SORT1: variants seen among roughly 807,000 people sequenced by gnomAD.
SORT1 encodes the protein sortilin 1.
In SORT1, 39 loss-of-function variants were observed where a neutral mutation model predicts 101.7. That is an observed-to-expected ratio of 0.38 (90% CI 0.30 to 0.50). The LOEUF (loss-of-function observed/expected upper bound fraction) is 0.50, where lower values mean the gene tolerates loss of function less well. SORT1 is among the 20% of genes least tolerant of loss of function. The pLI, the probability that SORT1 is intolerant of heterozygous loss-of-function variation, is 0.90. For synonymous variants in SORT1, 396 were observed against 393.7 expected, an observed-to-expected ratio of 1.01 and a Z score of -0.07; for missense variants, 878 against 1,040.4, an observed-to-expected ratio of 0.84 and a Z score of 2.15.
chr1:109,360,018 A>G (rs968625264), intron 3 of SORT1, among the ~76,000 whole-genome samples: 2 of 152,216 alleles, frequency 1.3e-5, no homozygotes, highest in Non-Finnish European at 2.9e-5. Context: ...AAAAAGGGAA[A>G]TGGAAAAGAC....
intron 11 of SORT1, among the ~76,000 whole-genome samples, chr1:109,328,251 T>G (rs1369099376): frequency 6.6e-6 from 1 of 152,258 alleles, no homozygotes; most frequent in African/African-American, 2.4e-5. Context: ...TTTGGATGTA[T>G]AATCCAGAAG....
At chr1:109,373,091 C>A (rs897516984) in intron 1 of SORT1, among the ~76,000 whole-genome samples, 1 of 151,900 alleles carries the variant, frequency 6.6e-6, no homozygotes, top group South Asian at 2.1e-4. Flanking sequence ...CCCAAAACGA[C>A]AGAATATATG....
rs185421427 is a variant in SORT1, at chr1:109,355,298, A to G, written c.543+69T>C. 109 of 808,458 alleles carry G rather than the reference A, an allele frequency of 1.3e-4. No individual in the cohort carries two copies. In the African/African-American group the frequency reaches 1.5e-3, roughly 11 times the overall value. 50.1% of individuals were successfully genotyped at this position (808,458 alleles called of 1,614,324 possible). On this transcript the variant is annotated intron_variant, in intron 4 of 19. Transcript: ENST00000256637. ...TACTGTGAATCACTGGACCATGCCAATACTAATATCTGACAGCTCTGCATG... is the reference window on the plus strand; with the variant it reads ...TACTGTGAATCACTGGACCATGCCAGTACTAATATCTGACAGCTCTGCATG...
chr1:109,329,611 G>T (rs756093324), intron 11 of SORT1, among the ~76,000 whole-genome samples: 2 of 152,142 alleles, frequency 1.3e-5, no homozygotes, highest in Non-Finnish European at 2.9e-5. Flanking sequence ...TATCACAAGG[G>T]ATAAAGAAAG....
chr1:109,323,173 C>G (rs772208636), intron 14 of SORT1, 52 bp from the exon 15 acceptor site: 1 of 1,299,548 alleles, frequency 7.7e-7, no homozygotes, highest in Non-Finnish European at 1.1e-6. Flanking sequence ...AACCCACCCA[C>G]GGGAGGCAGC....
intron 1 of SORT1, among the ~76,000 whole-genome samples, chr1:109,376,047 C>A (rs1412412028): frequency 2.0e-5 from 3 of 152,068 alleles, no homozygotes; most frequent in African/African-American, 7.2e-5. Flanking sequence ...GGAGATTTCT[C>A]AAAGAACTTA....
In SORT1 at chr1:109,367,389, C is replaced by G. The variant is rs758745078; in HGVS notation, c.440+19G>C. On this transcript the variant is annotated intron_variant, in intron 3 of 19. Coordinates refer to ENST00000256637, the MANE Select transcript of SORT1 (RefSeq NM_002959.7). ...AATGTTACTTAGTGAAATGCTCCAA[C>G]GCGTGTTATTGATCTCACCTTCGAT... The G allele has an allele frequency of 3.5e-6, 5 of 1,427,870 alleles. No homozygotes were observed. Among genetic ancestry groups the G allele is most frequent in the South Asian group, 1.2e-5 (1 of 84,594 alleles). 88.5% of individuals were successfully genotyped at this position (1,427,870 alleles called of 1,614,324 possible). A position where few individuals can be genotyped will look rare whatever the true frequency, so the allele number is the denominator to read the frequency against.
In SORT1 at chr1:109,355,641, A is replaced by ACCCC. The variant is rs529686433; in HGVS notation, c.441-173_441-172insGGGG. Among the ~76,000 whole-genome samples the ACCCC allele has an allele frequency of 2.9e-3, 243 of 84,060 alleles. 3 individuals are homozygous for ACCCC. Among genetic ancestry groups the ACCCC allele is most frequent in the Non-Finnish European group, 3.6e-3 (155 of 43,538 alleles). The allele number at this position is 84,060 out of a possible 152,430, so 55.1% of individuals were successfully genotyped here. On this transcript the variant is annotated intron_variant, in intron 3 of 19. Transcript: ENST00000256637. Reference sequence around the variant, plus strand: ...CCCTGGTGAGTCCGAAGAACATTCCACCCGCCCCCCCCCCCACAAACCCAC... The same window carrying ACCCC: ...CCCTGGTGAGTCCGAAGAACATTCCACCCCCCCGCCCCCCCCCCCACAAACCCAC...
In SORT1 at chr1:109,397,716, C is replaced by A. The variant is rs1348262296; in HGVS notation, c.177G>T (p.Gly59=). Residue 59 remains glycine, a synonymous_variant, in exon 1 of 20, where the codon GGG becomes GGT. Transcript: ENST00000256637. Reference sequence around the variant, plus strand: ...CGCCCCCGGCTGCGGCCGCCCGCAGCCCCCAGCTCACCCCGATGGGGCCAG... The same window carrying A: ...CGCCCCCGGCTGCGGCCGCCCGCAGACCCCAGCTCACCCCGATGGGGCCAG... ...RWSGPIGVSW[G]LRAAAAGGAF... is the part of the protein sequence containing the mutation. 2 of 1,189,776 alleles carry A rather than the reference C, an allele frequency of 1.7e-6. No individual in the cohort carries two copies. The highest frequency in any genetic ancestry group is 4.8e-5 in the Admixed American group (1 of 20,780). 73.7% of individuals were successfully genotyped at this position (1,189,776 alleles called of 1,614,324 possible).
At chr1:109,317,089 G>A (rs775549318) in intron 16 of SORT1, 131 bp from the exon 17 acceptor site, 2 of 640,890 alleles carry the variant, frequency 3.1e-6, no homozygotes, top group Non-Finnish European at 2.8e-6. Flanking sequence ...AGGCCTGGGG[G>A]GAATGTCCAC....
At position 109,397,738 on chromosome 1, in the gene SORT1, C is replaced by A. The variant is rs1571004015; in HGVS notation, c.155G>T (p.Gly52Val). The change falls in exon 1 of 20, where the codon GGC (glycine) becomes GTC (valine). Residue 52 changes from glycine (G) to valine (V), a missense_variant. Gly to Val is a moderately radical substitution (Grantham distance 109). Transcript: ENST00000256637. ...PPAAPLPRWS[G>V]PIGVSWGLRA... ...CAGCCCCCAGCTCACCCCGATGGGG[C>A]CAGACCAGCGCGGCAGCGGCGCAGC... 22 of 1,197,534 alleles carry A rather than the reference C, an allele frequency of 1.8e-5. No individual in the cohort carries two copies. Among genetic ancestry groups the A allele is most frequent in the Non-Finnish European group, 2.0e-5 (19 of 966,340 alleles). The allele number at this position is 1,197,534 out of a possible 1,614,324, so 74.2% of individuals were successfully genotyped here. A position where few individuals can be genotyped will look rare whatever the true frequency, so the allele number is the denominator to read the frequency against.
chr1:109,332,165 T>C (rs929205672), intron 11 of SORT1, among the ~76,000 whole-genome samples: 2 of 152,222 alleles, frequency 1.3e-5, no homozygotes, highest in African/African-American at 4.8e-5. Context: ...TGTCTTTTTT[T>C]ACTATTATAT....
chr1:109,367,173 G>A, intron 3 of SORT1: 1 of 347,112 alleles, frequency 2.9e-6, no homozygotes, highest in Non-Finnish European at 5.2e-6. Context: ...GCTGCAGTGA[G>A]CCAAGATGAC....
Position 109,322,897 on chromosome 1 carries a change from A to C in SORT1, c.2024+35T>G, listed in dbSNP as rs200737042. The C allele has an allele frequency of 2.1e-3, 3,274 of 1,555,972 alleles. 2 individuals carry two copies. Among genetic ancestry groups the C allele is most frequent in the Non-Finnish European group, 2.6e-3 (2,942 of 1,132,296 alleles). On this transcript the variant is annotated intron_variant, in intron 15 of 19. Transcript: ENST00000256637. The stretch of plus-strand genomic sequence containing the variant: ...CTGTCTTTCACCTCCTCCAACAGGG[A>C]AAGGGAGACAGAGAAATCTGAGGAA...
chr1:109,343,575 G>C (rs1649373388), intron 8 of SORT1, among the ~76,000 whole-genome samples: 1 of 152,188 alleles, frequency 6.6e-6, no homozygotes, highest in African/African-American at 2.4e-5. Context: ...CAATTAGGGA[G>C]ATTCATATAC....
At chr1:109,372,187 C>T (rs71655999) in intron 1 of SORT1, among the ~76,000 whole-genome samples, 1,536 of 152,306 alleles carry the variant, frequency 0.01, 10 homozygotes, top group Non-Finnish European at 0.016. Context: ...CAATCCTAAT[C>T]CAGAATCATT....
chr1:109,382,002 A>G (rs1652276668), intron 1 of SORT1, among the ~76,000 whole-genome samples: 1 of 152,084 alleles, frequency 6.6e-6, no homozygotes, highest in African/African-American at 2.4e-5. Flanking sequence ...CTCTCATCCC[A>G]CCTCCAATTG....
intron 2 of SORT1, 74 bp from the exon 3 acceptor site, chr1:109,367,555 G>A (rs1651177750): frequency 3.2e-6 from 3 of 935,118 alleles, no homozygotes; most frequent in Non-Finnish European, 5.1e-6. Context: ...TCGAGATTAA[G>A]CCAACACCTA....
chr1:109,390,907 T>G (rs1652881964), intron 1 of SORT1, among the ~76,000 whole-genome samples: 1 of 152,116 alleles, frequency 6.6e-6, no homozygotes, highest in Non-Finnish European at 1.5e-5. Context: ...CGTTTTCTTC[T>G]GATAAAAATA....
Sources: gnomAD v4.1 joint callset for allele counts (sites outside exome capture counted in the v4.1 genomes callset) on GRCh38, gnomAD v4.1.1 for gene constraint, MANE v1.5 for transcripts, NCBI Gene and HGNC (gene_info 2026-07-23, HGNC 2026-07-21) for gene names.